DOK6: variants seen among roughly 807,000 people sequenced by gnomAD.
The protein encoded by DOK6 is downstream of tyrosine kinase 6.
Under a neutral mutation model 44.0 loss-of-function variants are expected in DOK6, and 22 were observed. The observed-to-expected ratio is 0.50, with a 90% CI of 0.36 to 0.71. The LOEUF (loss-of-function observed/expected upper bound fraction) is 0.71. Among genes scored for constraint, DOK6 ranks in the 30% least tolerant of loss-of-function variants. DOK6 has a pLI of 0.00. For synonymous variants in DOK6, 166 were observed against 145.5 expected (o/e 1.14, Z -1.01); for missense variants, 340 against 416.4 (o/e 0.82, Z 1.60).
At chr18:69,476,949 A>G (rs1186093878) in intron 1 of DOK6, among the ~76,000 whole-genome samples, 1 of 152,208 alleles carries the variant, frequency 6.6e-6, no homozygotes, top group Non-Finnish European at 1.5e-5. Flanking sequence ...ACGGTTATGT[A>G]CACAGTAAAA....
At chr18:69,466,374 A>C (rs1372632488) in intron 1 of DOK6, among the ~76,000 whole-genome samples, 1 of 152,130 alleles carries the variant, frequency 6.6e-6, no homozygotes, top group Non-Finnish European at 1.5e-5. Flanking sequence ...ATAATATTCC[A>C]CTGTACATCT....
At chr18:69,516,229 G>A (rs1981518054) in intron 1 of DOK6, among the ~76,000 whole-genome samples, 1 of 145,784 alleles carries the variant, frequency 6.9e-6, no homozygotes, top group African/African-American at 2.6e-5. Context: ...TATATTCTGG[G>A]AGTTAAGAAG....
intron 5 of DOK6, among the ~76,000 whole-genome samples, chr18:69,735,675 C>G (rs1364724144): frequency 1.3e-5 from 2 of 152,218 alleles, no homozygotes; most frequent in East Asian, 3.8e-4. Flanking sequence ...GCTATTCAGG[C>G]TCCAGGCTGC....
chr18:69,555,799 A>C (rs1280793344), intron 1 of DOK6, among the ~76,000 whole-genome samples: 1 of 152,250 alleles, frequency 6.6e-6, no homozygotes, highest in Non-Finnish European at 1.5e-5. Context: ...TGCATTCTGC[A>C]GAGGTCTATT....
intron 1 of DOK6, among the ~76,000 whole-genome samples, chr18:69,440,536 C>T (rs552844792): frequency 3.0e-4 from 45 of 152,076 alleles, no homozygotes; most frequent in Admixed American, 4.6e-4. Flanking sequence ...TCTGTTTTAC[C>T]GTATATTTGG....
intron 1 of DOK6, among the ~76,000 whole-genome samples, chr18:69,430,808 A>T (rs1342165238): frequency 1.3e-5 from 2 of 152,148 alleles, no homozygotes; most frequent in African/African-American, 4.8e-5. Flanking sequence ...CTCTACTAAA[A>T]ATACAAAATT....
chr18:69,615,123 G>T (rs372964900), intron 3 of DOK6, among the ~76,000 whole-genome samples: 131 of 152,232 alleles, frequency 8.6e-4, no homozygotes, highest in African/African-American at 3.1e-3. Context: ...ACTTTAAGTT[G>T]TTGCAAATAT....
rs192855413 is a variant in DOK6 at position 69,543,955 on chromosome 18, G to T, written c.67-20532G>T. On this transcript the variant is annotated intron_variant, in intron 1 of 7. Transcript: ENST00000382713. ...CTAAACCAGTCCAATTTGAGGAAAG[G>T]ATTTAATAGAGAAAGGGACAAATGT... Among the ~76,000 whole-genome samples the T allele has an allele frequency of 2.0e-5, 3 of 151,542 alleles. No individual in the cohort carries two copies. In the East Asian group the frequency reaches 5.8e-4, roughly 29 times the overall value.
At chr18:69,679,994 A>C (rs1480166735) in intron 4 of DOK6, among the ~76,000 whole-genome samples, 2 of 152,126 alleles carry the variant, frequency 1.3e-5, no homozygotes, top group Non-Finnish European at 2.9e-5. Flanking sequence ...AAGAAAGAAA[A>C]AATAATTCCT....
At chr18:69,538,366 T>G (rs1044422324) in intron 1 of DOK6, among the ~76,000 whole-genome samples, 12 of 152,088 alleles carry the variant, frequency 7.9e-5, no homozygotes, top group Admixed American at 7.2e-4. Flanking sequence ...TTTGGGTGCC[T>G]TAGATGATCC....
At chr18:69,538,786 T>C (rs945111734) in intron 1 of DOK6, among the ~76,000 whole-genome samples, 3 of 152,168 alleles carry the variant, frequency 2.0e-5, no homozygotes, top group Non-Finnish European at 2.9e-5. Context: ...GAGAATCTCA[T>C]CCCTTCATTT....
intron 2 of DOK6, among the ~76,000 whole-genome samples, chr18:69,598,264 T>C (rs937156156): frequency 6.6e-6 from 1 of 151,528 alleles, no homozygotes; most frequent in Non-Finnish European, 1.5e-5. Flanking sequence ...TATATAACTA[T>C]AATATGCAAA....
chr18:69,784,641 T>G (rs1043127667), intron 7 of DOK6, among the ~76,000 whole-genome samples: 1 of 152,126 alleles, frequency 6.6e-6, no homozygotes, highest in Non-Finnish European at 1.5e-5. Flanking sequence ...TCCAAAAAAA[T>G]TCATTAGTTT....
At chr18:69,688,297 A>AT (rs1414576766) in intron 4 of DOK6, among the ~76,000 whole-genome samples, 12 of 152,230 alleles carry the variant, frequency 7.9e-5, no homozygotes, top group Non-Finnish European at 1.5e-4. Flanking sequence ...AATCCCAGTA[A>AT]ACCAGACATG....
At chr18:69,575,920 C>T (rs1254281483) in intron 2 of DOK6, among the ~76,000 whole-genome samples, 1 of 152,012 alleles carries the variant, frequency 6.6e-6, no homozygotes, top group Non-Finnish European at 1.5e-5. Flanking sequence ...TTGTCCAAGA[C>T]CTAGACAATC....
At chr18:69,807,097 T>C (rs1981071409) in intron 7 of DOK6, among the ~76,000 whole-genome samples, 1 of 151,900 alleles carries the variant, frequency 6.6e-6, no homozygotes, top group Non-Finnish European at 1.5e-5. Flanking sequence ...GGTCAGTAGT[T>C]CTTAGCGTGT....
chr18:69,690,008 T>G (rs1986230313), intron 4 of DOK6, among the ~76,000 whole-genome samples: 1 of 152,170 alleles, frequency 6.6e-6, no homozygotes. Flanking sequence ...TTGTATATTA[T>G]GATACAGTAT....
At chr18:69,763,333 G>A (rs1178531834) in intron 7 of DOK6, among the ~76,000 whole-genome samples, 1 of 152,142 alleles carries the variant, frequency 6.6e-6, no homozygotes, top group African/African-American at 2.4e-5. Context: ...GTATTTGAAA[G>A]TAATTTCTTA....
chr18:69,512,431 C>T (rs181734910), intron 1 of DOK6, among the ~76,000 whole-genome samples: 2 of 151,022 alleles, frequency 1.3e-5, no homozygotes, highest in African/African-American at 4.9e-5. Context: ...GCAGCCTCCC[C>T]CTTCCGGGTT....
Sources: allele counts gnomAD v4.1 joint callset (sites outside exome capture counted in the v4.1 genomes callset), GRCh38; gene constraint gnomAD v4.1.1; transcripts MANE v1.5; gene names NCBI Gene and HGNC (gene_info 2026-07-23, HGNC 2026-07-21).